The following PDE3B variants were observed in gnomAD, a reference collection of about 807,000 sequenced individuals.
PDE3B encodes phosphodiesterase 3B.
PDE3B carries 66 observed loss-of-function variants against 116.8 expected under a neutral mutation model. That is an observed-to-expected ratio of 0.56 (90% CI 0.46 to 0.69). The LOEUF (loss-of-function observed/expected upper bound fraction) is 0.69. PDE3B is among the 30% of genes least tolerant of loss of function. PDE3B has a pLI of 0.00. For synonymous variants in PDE3B, 595 were observed against 533.6 expected (o/e 1.12, Z -1.59); for missense variants, 1,384 against 1,368.1 (o/e 1.01, Z -0.18).
At chr11:14,769,243 T>C (rs943127043) in intron 1 of PDE3B, among the ~76,000 whole-genome samples, 1 of 151,422 alleles carries the variant, frequency 6.6e-6, no homozygotes, top group African/African-American at 2.4e-5. Context: ...TACTACAATA[T>C]TGTAATGTAC....
In PDE3B at chr11:14,832,783, A is replaced by G; in HGVS notation, c.2156A>G (p.Gln719Arg). Residue 719 changes from glutamine to arginine, a missense_variant, in exon 10 of 16, where the codon CAA becomes CGA. By Grantham distance (43) the Gln-to-Arg change is conservative (BLOSUM62 1). Coordinates refer to ENST00000282096, the MANE Select transcript of PDE3B (RefSeq NM_000922.4). ...LLEIFKIPTQ[Q>R]FMNYFRALEN... ...GAAATATTTAAAATTCCCACTCAAC[A>G]ATTTATGAACTATTTTCGTGCATTA... 1.3e-6 allele frequency: 2 copies of G among 1,543,606 alleles called. No individual in the cohort carries two copies. The highest frequency in any genetic ancestry group is 1.8e-6 in the Non-Finnish European group (2 of 1,122,910).
intron 14 of PDE3B, 118 bp from the exon 15 acceptor site, chr11:14,867,387 TA>T (rs1325778891): frequency 1.9e-5 from 15 of 800,900 alleles, no homozygotes; most frequent in South Asian, 3.8e-5. Context: ...TGCTTATTCA[TA>T]AAAAATATTT....
At chr11:14,650,490 A>G (rs1181260900) in intron 1 of PDE3B, among the ~76,000 whole-genome samples, 1 of 152,190 alleles carries the variant, frequency 6.6e-6, no homozygotes, top group Non-Finnish European at 1.5e-5. Context: ...AGAATATGTT[A>G]CCTTATGTGG....
At chr11:14,724,445 C>T (rs1365164737) in intron 1 of PDE3B, among the ~76,000 whole-genome samples, 2 of 152,092 alleles carry the variant, frequency 1.3e-5, no homozygotes, top group Non-Finnish European at 2.9e-5. Flanking sequence ...AATCCAAAAT[C>T]AGAAATGCTC....
chr11:14,867,393 A>G (rs1263922779), intron 14 of PDE3B, 113 bp from the exon 15 acceptor site: 1 of 841,274 alleles, frequency 1.2e-6, no homozygotes, highest in Non-Finnish European at 1.8e-6. Flanking sequence ...TTCATAAAAA[A>G]TATTTTGATA....
intron 4 of PDE3B, among the ~76,000 whole-genome samples, chr11:14,791,926 A>G (rs768496970): frequency 3.9e-5 from 6 of 152,156 alleles, no homozygotes; most frequent in Non-Finnish European, 7.4e-5. Flanking sequence ...TGTAAATGCT[A>G]TGTAAAGAGT....
At chr11:14,710,883 A>G (rs1363916409) in intron 1 of PDE3B, among the ~76,000 whole-genome samples, 1 of 152,232 alleles carries the variant, frequency 6.6e-6, no homozygotes, top group East Asian at 1.9e-4. Context: ...CTTGCAGTGA[A>G]GAGTTCTGAT....
At chr11:14,892,154 GCGCGCCGCCGAGCGCCGC>G in the PDE3B span, 1 of 1,610,900 alleles carries the variant, frequency 6.2e-7, no homozygotes, top group African/African-American at 1.3e-5. Context: ...AGCAGGAAGA[GCGCGCCGCCGAGCGCCGC>G]CGCGCCCTCT....
intron 15 of PDE3B, 82 bp downstream of exon 15, chr11:14,867,840 C>T (rs1848076532): frequency 1.6e-6 from 2 of 1,236,592 alleles, no homozygotes; most frequent in East Asian, 2.6e-5. Context: ...ATGAAATGCT[C>T]CAAAATCCAA....
chr11:14,735,958 T>TTG (rs59099319), intron 1 of PDE3B, among the ~76,000 whole-genome samples: 53,312 of 142,822 alleles, frequency 0.37, 10,521 homozygotes, highest in Non-Finnish European at 0.46. Flanking sequence ...GAATAATAGG[T>TTG]TGTGTGTGTG....
the PDE3B span, among the ~76,000 whole-genome samples, chr11:14,897,523 C>T: frequency 6.6e-6 from 1 of 152,188 alleles, no homozygotes; most frequent in African/African-American, 2.4e-5. Flanking sequence ...TCAGAGTGAA[C>T]AACCTGGGCC....
chr11:14,660,065 T>A (rs1268352497), intron 1 of PDE3B, among the ~76,000 whole-genome samples: 1 of 152,194 alleles, frequency 6.6e-6, no homozygotes, highest in African/African-American at 2.4e-5. Flanking sequence ...GGCATAATTG[T>A]TAGCTTTATA....
At chr11:14,815,021 C>T (rs1403519043) in intron 5 of PDE3B, among the ~76,000 whole-genome samples, 1 of 150,662 alleles carries the variant, frequency 6.6e-6, no homozygotes. Flanking sequence ...CCTGTAATCC[C>T]AGCTATTTGG....
chr11:14,796,793 A>T (rs1337122360), intron 4 of PDE3B, among the ~76,000 whole-genome samples: 6 of 151,976 alleles, frequency 3.9e-5, no homozygotes, highest in Non-Finnish European at 7.4e-5. Context: ...GAGTGTAAAA[A>T]TTTTCTCCTA....
intron 4 of PDE3B, among the ~76,000 whole-genome samples, chr11:14,789,619 T>G (rs750351250): frequency 3.9e-5 from 6 of 152,016 alleles, no homozygotes; most frequent in Non-Finnish European, 7.4e-5. Context: ...ATTACTGACT[T>G]CTGAAAAGAG....
intron 6 of PDE3B, 130 bp from the exon 7 acceptor site, chr11:14,819,006 G>A: frequency 1.8e-6 from 1 of 540,830 alleles, no homozygotes; most frequent in South Asian, 3.2e-5. Context: ...GAACTTTATG[G>A]AGAGATTGGA....
chr11:14,783,862 C>A (rs1478409848), intron 2 of PDE3B, among the ~76,000 whole-genome samples: 1 of 152,154 alleles, frequency 6.6e-6, no homozygotes, highest in East Asian at 1.9e-4. Context: ...AAAGGAAGTT[C>A]TTTAAACCAG....
chr11:14,853,011 C>CTTTT (rs1201371669), intron 12 of PDE3B, among the ~76,000 whole-genome samples: 1 of 142,722 alleles, frequency 7.0e-6, no homozygotes, highest in Admixed American at 7.0e-5. Flanking sequence ...GTCTCTCTCT[C>CTTTT]TTTTTTTTTT....
intron 1 of PDE3B, among the ~76,000 whole-genome samples, chr11:14,740,145 T>C (rs1200738898): frequency 1.3e-5 from 2 of 152,222 alleles, no homozygotes; most frequent in African/African-American, 2.4e-5. Flanking sequence ...TTCCTTTTTT[T>C]CTATTGATTG....
Sources: gnomAD v4.1 joint callset for allele counts (sites outside exome capture counted in the v4.1 genomes callset) on GRCh38, gnomAD v4.1.1 for gene constraint, MANE v1.5 for transcripts, NCBI Gene and HGNC (gene_info 2026-07-23, HGNC 2026-07-21) for gene names.